ST7L: variants seen among roughly 807,000 people sequenced by gnomAD.
The protein encoded by ST7L is suppression of tumorigenicity 7 like.
A neutral mutation model predicts 72.5 loss-of-function variants in ST7L; 57 were observed. The ratio of observed to expected loss-of-function variants is 0.79; its 90% CI spans 0.64 to 0.98. The LOEUF is 0.98. ST7L is among the 50% of genes least tolerant of loss of function. The probability of loss-of-function intolerance (pLI) is 0.00; values close to 1 mark genes in which losing one functional copy is unlikely to be tolerated. For missense variants in ST7L, 576 were observed against 672.2 expected (o/e 0.86, Z 1.58); for synonymous variants, 221 against 240.9 (o/e 0.92, Z 0.77).
chr1:112,564,466 C>G (rs140738092), intron 11 of ST7L, among the ~76,000 whole-genome samples: 2 of 152,242 alleles, frequency 1.3e-5, no homozygotes, highest in African/African-American at 4.8e-5. Flanking sequence ...ACCTGTTTCC[C>G]TTTTATCTTT....
intron 11 of ST7L, among the ~76,000 whole-genome samples, chr1:112,562,291 T>C (rs1159352674): frequency 6.6e-6 from 1 of 152,166 alleles, no homozygotes; most frequent in Non-Finnish European, 1.5e-5. Context: ...TTAGATAGAC[T>C]TTTAAAGCAA....
intron 11 of ST7L, among the ~76,000 whole-genome samples, chr1:112,561,268 T>C (rs1007635106): frequency 2.9e-5 from 4 of 136,782 alleles, no homozygotes; most frequent in African/African-American, 1.1e-4. Context: ...GTTTGAAGAA[T>C]AAAAAAATAA....
At chr1:112,550,012 G>A (rs935071473) in intron 13 of ST7L, among the ~76,000 whole-genome samples, 6 of 152,048 alleles carry the variant, frequency 3.9e-5, no homozygotes, top group African/African-American at 1.2e-4. Flanking sequence ...TTGAATGAGA[G>A]CCAGATTTTG....
intron 3 of ST7L, 136 bp from the exon 4 acceptor site, chr1:112,600,984 C>CA: frequency 1.4e-6 from 1 of 702,486 alleles, no homozygotes; most frequent in South Asian, 2.0e-5. Flanking sequence ...AGCATGCTTT[C>CA]AAAAAACAGA....
chr1:112,592,547 T>C (rs1364276331), intron 5 of ST7L, among the ~76,000 whole-genome samples: 1 of 152,218 alleles, frequency 6.6e-6, no homozygotes, highest in East Asian at 1.9e-4. Context: ...TCAGCACCCA[T>C]CTGATACTGG....
At chr1:112,614,295 T>C (rs1426512015) in intron 2 of ST7L, among the ~76,000 whole-genome samples, 2 of 152,204 alleles carry the variant, frequency 1.3e-5, no homozygotes, top group African/African-American at 4.8e-5. Context: ...TTGCCCAGGC[T>C]GGTCTCAAAC....
intron 7 of ST7L, among the ~76,000 whole-genome samples, chr1:112,582,754 T>C (rs1203854983): frequency 6.6e-6 from 1 of 152,160 alleles, no homozygotes; most frequent in African/African-American, 2.4e-5. Context: ...GTATATATAA[T>C]TCGTGTATGA....
chr1:112,525,963 G>T lies in ST7L; in HGVS notation c.*50C>A. 6.2e-7 allele frequency: 1 copy of T among 1,610,816 alleles called. No individual in the cohort carries two copies. Among genetic ancestry groups the T allele is most frequent in the Non-Finnish European group, 8.5e-7 (1 of 1,177,602 alleles). ...GGGTTACTGTCACTTTACAGATGCT[G>T]TTCAGAAAAATTTGGTGATTTGTCC... On this transcript the variant is annotated 3_prime_UTR_variant, in exon 15 of 15. Transcript: ENST00000358039.
chr1:112,595,544 T>C (rs1666356601), intron 5 of ST7L, among the ~76,000 whole-genome samples: 1 of 151,958 alleles, frequency 6.6e-6, no homozygotes, highest in Admixed American at 6.6e-5. Flanking sequence ...CCTCAGCCTC[T>C]CAAGTAGCTG....
intron 2 of ST7L, among the ~76,000 whole-genome samples, chr1:112,613,032 T>C (rs1669308269): frequency 6.6e-6 from 1 of 152,032 alleles, no homozygotes; most frequent in Non-Finnish European, 1.5e-5. Context: ...GGTGGGAGGA[T>C]TGCTTGAGTT....
chr1:112,571,905 T>C (rs1662211049), intron 11 of ST7L, among the ~76,000 whole-genome samples: 1 of 152,214 alleles, frequency 6.6e-6, no homozygotes, highest in African/African-American at 2.4e-5. Flanking sequence ...TTTGCCCAGA[T>C]CCACCAGAGG....
At chr1:112,581,324 T>C (rs1436194036) in intron 9 of ST7L, among the ~76,000 whole-genome samples, 1 of 152,086 alleles carries the variant, frequency 6.6e-6, no homozygotes, top group Admixed American at 6.6e-5. Context: ...CTGTCTTCAA[T>C]GTAACTGCTG....
intron 11 of ST7L, among the ~76,000 whole-genome samples, chr1:112,568,329 T>C (rs914018936): frequency 3.4e-5 from 5 of 145,652 alleles, no homozygotes; most frequent in African/African-American, 1.1e-4. Context: ...ACTGTAATAA[T>C]ATTTTTTTTT....
chr1:112,561,058 A>G (rs1660044788), intron 11 of ST7L, among the ~76,000 whole-genome samples: 1 of 152,110 alleles, frequency 6.6e-6, no homozygotes, highest in South Asian at 2.1e-4. Context: ...AGTTTTTACC[A>G]AAGATATATT....
In ST7L at chr1:112,574,669, G is replaced by GA. The variant is rs1226132366; in HGVS notation, c.1245+2316dup. On this transcript the variant is annotated intron_variant, in intron 11 of 14. Coordinates refer to ENST00000358039, the MANE Select transcript of ST7L (RefSeq NM_017744.5). Reference sequence around the variant, plus strand: ...ACAAGACTCCGTCTCAAAAAAAAAAGAAAAAAAATCCATAAATAAAAAGTA... The same window carrying GA: ...ACAAGACTCCGTCTCAAAAAAAAAAGAAAAAAAAATCCATAAATAAAAAGTA... 2.2e-4 allele frequency among the ~76,000 whole-genome samples: 32 copies of GA among 148,716 alleles called. 1 individual carries two copies. The highest frequency in any genetic ancestry group is 1.2e-3 in the Admixed American group (18 of 14,978).
chr1:112,530,292 A>T (rs7522110), intron 14 of ST7L: 2 of 152,086 alleles, frequency 1.3e-5, no homozygotes, highest in Admixed American at 1.3e-4. Context: ...TGAGTAGTTT[A>T]GAATTTAGCC....
chr1:112,554,130 A>G (rs1658708919), intron 12 of ST7L, among the ~76,000 whole-genome samples: 1 of 152,226 alleles, frequency 6.6e-6, no homozygotes, highest in Non-Finnish European at 1.5e-5. Flanking sequence ...GAGGCGGGTT[A>G]ACCAATTTTA....
chr1:112,598,812 C>T (rs1164940122), intron 4 of ST7L, among the ~76,000 whole-genome samples: 3 of 151,358 alleles, frequency 2.0e-5, no homozygotes, highest in Non-Finnish European at 4.4e-5. Context: ...ATCCTTGGCA[C>T]TTTGGGAGGC....
intron 14 of ST7L, among the ~76,000 whole-genome samples, chr1:112,533,769 T>C (rs1654760931): frequency 6.6e-6 from 1 of 152,116 alleles, no homozygotes; most frequent in South Asian, 2.1e-4. Context: ...GATTCTCCTG[T>C]CTCCGCCTTC....
Sources: gnomAD v4.1 joint callset for allele counts (sites outside exome capture counted in the v4.1 genomes callset) on GRCh38, gnomAD v4.1.1 for gene constraint, MANE v1.5 for transcripts, NCBI Gene and HGNC (gene_info 2026-07-23, HGNC 2026-07-21) for gene names.